PTPRN2: variants seen among roughly 807,000 people sequenced by gnomAD.
PTPRN2 encodes receptor-type tyrosine-protein phosphatase N2.
In PTPRN2, 74 loss-of-function variants were observed where a neutral mutation model predicts 118.8. The ratio of observed to expected loss-of-function variants is 0.62; its 90% confidence interval spans 0.52 to 0.76. The LOEUF is 0.76. Ranked by LOEUF, PTPRN2 falls within the 30% of genes least tolerant of loss-of-function variation. The probability of loss-of-function intolerance (pLI) is 0.00; values close to 1 mark genes in which losing one functional copy is unlikely to be tolerated. For synonymous variants in PTPRN2, 641 were observed against 608.0 expected, an observed-to-expected ratio of 1.05 and a Z score of -0.80; for missense variants, 1,481 against 1,394.4, an observed-to-expected ratio of 1.06 and a Z score of -0.99.
chr7:157,983,718 G>T (rs1351976615), intron 11 of PTPRN2, among the ~76,000 whole-genome samples: 1 of 152,236 alleles, frequency 6.6e-6, no homozygotes, highest in Non-Finnish European at 1.5e-5. Flanking sequence ...CCGTGCTGCC[G>T]ACCCAGTCCC....
chr7:158,129,401 AAC>A (rs974193102), intron 9 of PTPRN2, among the ~76,000 whole-genome samples: 3 of 148,202 alleles, frequency 2.0e-5, no homozygotes, highest in Admixed American at 2.0e-4. Flanking sequence ...CACTACACAC[AAC>A]AGACATGCAA....
intron 2 of PTPRN2, among the ~76,000 whole-genome samples, chr7:158,391,364 C>T (rs374310403): frequency 6.2e-4 from 94 of 152,272 alleles, no homozygotes; most frequent in African/African-American, 2.2e-3. Flanking sequence ...GCACCAGGCC[C>T]GAAATCCAGG....
chr7:158,578,314 C>A (rs1392239059), intron 1 of PTPRN2, among the ~76,000 whole-genome samples: 1 of 148,386 alleles, frequency 6.7e-6, no homozygotes, highest in African/African-American at 2.5e-5. Context: ...AGAGGCCAGG[C>A]ATGGTGGCTC....
intron 6 of PTPRN2, among the ~76,000 whole-genome samples, chr7:158,150,432 C>T (rs1451358450): frequency 6.6e-6 from 1 of 152,186 alleles, no homozygotes; most frequent in East Asian, 1.9e-4. Flanking sequence ...AAAGTGGCAG[C>T]TCTGCCGCCC....
At chr7:158,298,578 GGAA>G (rs1800655791) in intron 3 of PTPRN2, among the ~76,000 whole-genome samples, 2 of 152,286 alleles carry the variant, frequency 1.3e-5, no homozygotes, top group Middle Eastern at 3.4e-3. Context: ...CCGTGAATCT[GGAA>G]GAAAAGAATG....
chr7:157,817,628 C>T (rs1478055821), intron 12 of PTPRN2, among the ~76,000 whole-genome samples: 1 of 152,206 alleles, frequency 6.6e-6, no homozygotes, highest in African/African-American at 2.4e-5. Context: ...AGGGACACAC[C>T]CGACCTGCAC....
intron 2 of PTPRN2, among the ~76,000 whole-genome samples, chr7:158,341,855 A>G (rs1806892734): frequency 9.7e-5 from 1 of 10,346 alleles, no homozygotes; most frequent in African/African-American, 3.4e-4. Context: ...CTCTCACCAT[A>G]AGAGTGTGCC....
intron 1 of PTPRN2, among the ~76,000 whole-genome samples, chr7:158,581,508 G>A (rs1828625754): frequency 1.3e-5 from 2 of 151,248 alleles, no homozygotes; most frequent in South Asian, 4.2e-4. Flanking sequence ...CACCAAAAAA[G>A]AAAAGTCCAT....
At chr7:157,719,858 C>A (rs1190678626) in intron 12 of PTPRN2, among the ~76,000 whole-genome samples, 1 of 152,234 alleles carries the variant, frequency 6.6e-6, no homozygotes, top group Non-Finnish European at 1.5e-5. Context: ...ACATATGTTA[C>A]CAGGAAGCTA....
intron 11 of PTPRN2, among the ~76,000 whole-genome samples, chr7:157,991,284 A>G (rs1285985627): frequency 1.3e-5 from 2 of 152,228 alleles, no homozygotes; most frequent in Non-Finnish European, 2.9e-5. Context: ...AAGTACCCGG[A>G]CAATTCCTGC....
rs528178149 is a variant in PTPRN2 at position 157,802,259 on chromosome 7, C to T, written c.1788+96414G>A. Among the ~76,000 whole-genome samples, 89 of 152,336 alleles carry T rather than the reference C, an allele frequency of 5.8e-4. 2 individuals are homozygous for T. The highest frequency in any genetic ancestry group is 4.2e-3 in the Admixed American group (64 of 15,302). ...CCCGTGCTTCCCCCAGCGCCAGACCCGGCAGCCTCCATCCTCCTCTCTTCT... is the reference window on the plus strand; with the variant it reads ...CCCGTGCTTCCCCCAGCGCCAGACCTGGCAGCCTCCATCCTCCTCTCTTCT... On this transcript the variant is annotated intron_variant, in intron 12 of 22. Coordinates refer to ENST00000389418, the MANE Select transcript of PTPRN2 (RefSeq NM_002847.5).
chr7:158,442,737 C>A (rs1817438338), intron 2 of PTPRN2, among the ~76,000 whole-genome samples: 1 of 152,186 alleles, frequency 6.6e-6, no homozygotes, highest in South Asian at 2.1e-4. Context: ...GTTCCGCCTG[C>A]TTCCTTTTCT....
At chr7:157,876,620 T>C (rs918924144) in intron 12 of PTPRN2, among the ~76,000 whole-genome samples, 121 of 152,272 alleles carry the variant, frequency 7.9e-4, no homozygotes, top group African/African-American at 2.7e-3. Flanking sequence ...AGCTTCCACG[T>C]CCACCAGGGT....
At chr7:157,973,067 T>G (rs1378382074) in intron 11 of PTPRN2, among the ~76,000 whole-genome samples, 1 of 152,196 alleles carries the variant, frequency 6.6e-6, no homozygotes, top group East Asian at 1.9e-4. Context: ...CACACTGTGA[T>G]AGCAGGGCCC....
chr7:157,990,096 T>C lies in PTPRN2; in HGVS notation c.1723+91202A>G, dbSNP rs907297517. Among the ~76,000 whole-genome samples the C allele has an allele frequency of 3.6e-4, 55 of 151,964 alleles. No homozygotes were observed. Among genetic ancestry groups the C allele is most frequent in the African/African-American group, 1.3e-3 (53 of 41,358 alleles). Reference sequence around the variant, plus strand: ...TCCCTCTATGAAGAAAAATGCAAGTTGCTCTTCTGCGCTCCAAATACACCG... The same window carrying C: ...TCCCTCTATGAAGAAAAATGCAAGTCGCTCTTCTGCGCTCCAAATACACCG... On this transcript the variant is annotated intron_variant, in intron 11 of 22. Transcript: ENST00000389418. The surrounding 1 kb of genome is among the most constrained non-coding windows in gnomAD (Gnocchi z 4.3).
intron 1 of PTPRN2, among the ~76,000 whole-genome samples, chr7:158,587,035 G>A (rs1446273889): frequency 1.3e-5 from 2 of 152,046 alleles, no homozygotes; most frequent in African/African-American, 2.4e-5. Context: ...CCCGTGGCCG[G>A]GGGCTTGAGA....
At chr7:158,122,617 C>T (rs989590132) in intron 9 of PTPRN2, among the ~76,000 whole-genome samples, 5 of 152,122 alleles carry the variant, frequency 3.3e-5, no homozygotes, top group African/African-American at 1.2e-4. Context: ...ACACTGAGGC[C>T]CCACACAGCG....
At chr7:158,010,610 A>G (rs1220150847) in intron 11 of PTPRN2, among the ~76,000 whole-genome samples, 1 of 152,260 alleles carries the variant, frequency 6.6e-6, no homozygotes, top group Non-Finnish European at 1.5e-5. Context: ...GTTTTAAGGA[A>G]GATACAGTAG....
intron 1 of PTPRN2, among the ~76,000 whole-genome samples, chr7:158,518,906 A>G (rs1823771054): frequency 6.6e-6 from 1 of 152,012 alleles, no homozygotes; most frequent in South Asian, 2.1e-4. Context: ...AATCACTTGA[A>G]TCTGGGAGGT....
Sources: gnomAD v4.1 joint callset for allele counts (sites outside exome capture counted in the v4.1 genomes callset) on GRCh38, gnomAD v4.1.1 for gene constraint, Gnocchi (gnomAD v3.1) non-coding constraint, MANE v1.5 for transcripts, NCBI Gene and HGNC (gene_info 2026-07-23, HGNC 2026-07-21) for gene names.